The following MTMR12 variants were observed in gnomAD, a reference collection of about 807,000 sequenced individuals.
MTMR12 encodes myotubularin-related protein 12.
In MTMR12, 33 loss-of-function variants were observed where a neutral mutation model predicts 96.7. The observed-to-expected ratio is 0.34, with a 90% confidence interval of 0.26 to 0.46. The LOEUF is 0.46. Among genes scored for constraint, MTMR12 ranks in the 20% least tolerant of loss-of-function variants. MTMR12 has a pLI of 1.00. For missense variants in MTMR12, 721 were observed against 896.1 expected, an observed-to-expected ratio of 0.80 and a Z score of 2.49; for synonymous variants, 298 against 327.2, an observed-to-expected ratio of 0.91 and a Z score of 0.96.
chr5:32,253,362 A>C (rs1749017510), intron 8 of MTMR12, among the ~76,000 whole-genome samples: 1 of 152,248 alleles, frequency 6.6e-6, no homozygotes, highest in African/African-American at 2.4e-5. Context: ...ACCGATTCCA[A>C]ATATAAAATA....
chr5:32,288,971 TGA>T (rs1424667845), intron 1 of MTMR12, among the ~76,000 whole-genome samples: 2 of 152,206 alleles, frequency 1.3e-5, no homozygotes, highest in African/African-American at 4.8e-5. Flanking sequence ...TCTGCATCTT[TGA>T]AGAGCCCTGT....
rs944585273 is a variant in MTMR12, at chr5:32,227,468, A to T, written c.*2310T>A. 6.6e-6 allele frequency: 1 copy of T among 152,654 alleles called. No homozygotes were observed. The highest frequency in any genetic ancestry group is 2.4e-5 in the African/African-American group (1 of 41,454). The allele number at this position is 152,654 out of a possible 1,614,324, so 9.5% of individuals were successfully genotyped here. On this transcript the variant is annotated 3_prime_UTR_variant, in exon 16 of 16. Transcript: ENST00000382142. Reference sequence around the variant, plus strand: ...CAGCTTATTTTTCTATTGTAATTTTAAAAAATCATAGAAAAATATGTCAAT... The same window carrying T: ...CAGCTTATTTTTCTATTGTAATTTTTAAAAATCATAGAAAAATATGTCAAT...
rs952866819 is a variant in MTMR12, at chr5:32,227,343, C to T, written c.*2435G>A. 6.6e-6 allele frequency: 1 copy of T among 152,582 alleles called. No homozygotes were observed. Among genetic ancestry groups the T allele is most frequent in the Admixed American group, 6.5e-5 (1 of 15,276 alleles). 9.5% of individuals were successfully genotyped at this position (152,582 alleles called of 1,614,324 possible). On this transcript the variant is annotated 3_prime_UTR_variant, in exon 16 of 16. Transcript: ENST00000382142. The stretch of plus-strand genomic sequence containing the variant: ...ATCCCAATCTCAGATAAAAATTTCA[C>T]AATATATAAATCCATTGAGAATTCT...
intron 1 of MTMR12, among the ~76,000 whole-genome samples, chr5:32,281,569 T>A (rs1267805561): frequency 6.6e-6 from 1 of 152,150 alleles, no homozygotes; most frequent in African/African-American, 2.4e-5. Context: ...CTTTGAACCC[T>A]CTGCAAGACC....
intron 15 of MTMR12, among the ~76,000 whole-genome samples, chr5:32,230,629 C>A (rs528740461): frequency 6.6e-6 from 1 of 152,284 alleles, no homozygotes; most frequent in South Asian, 2.1e-4. Context: ...CTTTTGGTGC[C>A]CTCCTCCTCT....
chr5:32,242,209 G>T, intron 11 of MTMR12, 82 bp from the exon 12 acceptor site: 3 of 927,594 alleles, frequency 3.2e-6, no homozygotes, highest in Non-Finnish European at 4.9e-6. Context: ...GAGAGAGTCT[G>T]ACTTGATCTT....
chr5:32,301,537 T>C (rs749982122), intron 1 of MTMR12, among the ~76,000 whole-genome samples: 14 of 152,220 alleles, frequency 9.2e-5, no homozygotes, highest in South Asian at 2.1e-4. Flanking sequence ...TGGAGGAACA[T>C]AGATTTTTTT....
rs1351144696 is a variant in MTMR12 at position 32,228,595 on chromosome 5, T to TATATATATATATCATATATATG, written c.*1161_*1182dup. The TATATATATATATCATATATATG allele has an allele frequency of 2.7e-5, 3 of 110,182 alleles. No individual in the cohort carries two copies. Among genetic ancestry groups the TATATATATATATCATATATATG allele is most frequent in the Admixed American group, 9.5e-5 (1 of 10,576 alleles). The allele number at this position is 110,182 out of a possible 1,614,324, so 6.8% of individuals were successfully genotyped here. A position where few individuals can be genotyped will look rare whatever the true frequency, so the allele number is the denominator to read the frequency against. ...ATATATATATCATATATATGTGATA[T>TATATATATATATCATATATATG]ATATATATATATCATATATATGATA... On this transcript the variant is annotated 3_prime_UTR_variant, in exon 16 of 16. Transcript: ENST00000382142.
At chr5:32,235,659 C>T (rs1323105478) in intron 13 of MTMR12, among the ~76,000 whole-genome samples, 4 of 152,044 alleles carry the variant, frequency 2.6e-5, no homozygotes, top group South Asian at 2.1e-4. Context: ...CTGTCCACCC[C>T]GCAGTGAGGG....
chr5:32,271,931 G>C, intron 3 of MTMR12, 26 bp from the exon 4 acceptor site: 1 of 1,347,590 alleles, frequency 7.4e-7, no homozygotes, highest in African/African-American at 1.5e-5. Context: ...GGAAACAACT[G>C]TGACTCCTCT....
chr5:32,279,280 T>A (rs568363760), intron 1 of MTMR12, among the ~76,000 whole-genome samples: 112 of 151,192 alleles, frequency 7.4e-4, no homozygotes, highest in Non-Finnish European at 1.3e-3. Flanking sequence ...ATCATCCAGG[T>A]ATGGTAGTAC....
intron 7 of MTMR12, among the ~76,000 whole-genome samples, chr5:32,260,631 C>T (rs1402717514): frequency 1.3e-5 from 2 of 150,484 alleles, no homozygotes; most frequent in Non-Finnish European, 3.0e-5. Context: ...GAGAAAAGAA[C>T]AGGGTGTGGC....
intron 8 of MTMR12, 110 bp downstream of exon 8, chr5:32,255,583 T>C (rs1213841051): frequency 2.4e-5 from 24 of 1,009,326 alleles, no homozygotes; most frequent in Admixed American, 8.6e-5. Flanking sequence ...GGATTGTTCT[T>C]GGACTGAAAA....
chr5:32,262,806 G>A (rs1032504407), intron 7 of MTMR12, among the ~76,000 whole-genome samples: 4 of 152,130 alleles, frequency 2.6e-5, no homozygotes, highest in African/African-American at 7.2e-5. Context: ...AAAACATCAT[G>A]CTAAGTGAAA....
intron 2 of MTMR12, among the ~76,000 whole-genome samples, chr5:32,275,218 G>GA (rs1444468665): frequency 6.6e-6 from 1 of 152,112 alleles, no homozygotes; most frequent in African/African-American, 2.4e-5. Flanking sequence ...ACCTCTGGCT[G>GA]AAACACTAAG....
At chr5:32,296,672 G>A (rs994948370) in intron 1 of MTMR12, among the ~76,000 whole-genome samples, 13 of 151,190 alleles carry the variant, frequency 8.6e-5, no homozygotes, top group African/African-American at 7.3e-5. Flanking sequence ...ACAGTAACAC[G>A]TGCCTGTAGT....
chr5:32,300,588 T>C (rs1373304795), intron 1 of MTMR12, among the ~76,000 whole-genome samples: 1 of 152,016 alleles, frequency 6.6e-6, no homozygotes, highest in Non-Finnish European at 1.5e-5. Flanking sequence ...CCATACCCCC[T>C]CTCTGTCTGC....
intron 1 of MTMR12, among the ~76,000 whole-genome samples, chr5:32,310,751 T>TA (rs1751550211): frequency 6.6e-6 from 1 of 152,154 alleles, no homozygotes; most frequent in South Asian, 2.1e-4. Flanking sequence ...CAGTCAACAA[T>TA]AATTGTATAT....
At chr5:32,248,227 C>A (rs1748775284) in intron 9 of MTMR12, 101 bp from the exon 10 acceptor site, 2 of 1,323,828 alleles carry the variant, frequency 1.5e-6, no homozygotes, top group Admixed American at 4.1e-5. Flanking sequence ...AGTAGGCATT[C>A]TCCCATTTAA....
Sources: gnomAD v4.1 joint callset for allele counts (sites outside exome capture counted in the v4.1 genomes callset) on GRCh38, gnomAD v4.1.1 for gene constraint, MANE v1.5 for transcripts, NCBI Gene and HGNC (gene_info 2026-07-23, HGNC 2026-07-21) for gene names.